Variants in PAQR9 observed in about 807,000 individuals in gnomAD.
The protein encoded by PAQR9 is progestin and adipoQ receptor family member 9.
A neutral mutation model predicts 24.0 loss-of-function variants in PAQR9; 12 were observed. That is an observed-to-expected ratio of 0.50 (90% CI 0.32 to 0.81). PAQR9 has a LOEUF of 0.81. Ranked by LOEUF, PAQR9 falls within the 30% of genes least tolerant of loss-of-function variation. The pLI, the probability that PAQR9 is intolerant of heterozygous loss-of-function variation, is 0.03. For synonymous variants in PAQR9, 266 were observed against 237.6 expected (o/e 1.12, Z -1.10); for missense variants, 418 against 520.8 (o/e 0.80, Z 1.92).
At chr3:142,950,131 A>G (rs1327984640), downstream of PAQR9, 1 of 152,188 alleles carries the variant, frequency 6.6e-6, no homozygotes, top group East Asian at 1.9e-4. Flanking sequence ...TAGAACCTTT[A>G]GCATAATTAT....
rs35655102 is a variant in PAQR9, at chr3:142,955,529, T to G, written c.*6674A>C. ...TGAAACACAGAAAGCCTTTTTCTGG[T>G]CCATATAGTGATGGCATGGGGCTTA... On this transcript the variant is annotated 3_prime_UTR_variant, in exon 1 of 1. Coordinates refer to ENST00000340634, the MANE Select transcript of PAQR9 (RefSeq NM_198504.4). 6.3e-4 allele frequency among the ~76,000 whole-genome samples: 88 copies of G among 140,614 alleles called. No homozygotes were observed. Among genetic ancestry groups the G allele is most frequent in the African/African-American group, 2.1e-3 (83 of 39,082 alleles). The allele number at this position is 140,614 out of a possible 152,430, so 92.2% of individuals were successfully genotyped here.
At position 142,963,342 on chromosome 3, in the gene PAQR9, C is replaced by T; in HGVS notation, c.-6G>A. ...GGCTGCAGGCGCCGCGGCATGGTGC[C>T]CGGGGCTCGGCTAGGGCGCGCGCAG... On this transcript the variant is annotated 5_prime_UTR_variant, in exon 1 of 1. Transcript: ENST00000340634. 2.3e-6 allele frequency: 3 copies of T among 1,333,176 alleles called. No individual in the cohort carries two copies. The highest frequency in any genetic ancestry group is 1.9e-6 in the Non-Finnish European group (2 of 1,048,016). 82.6% of individuals were successfully genotyped at this position (1,333,176 alleles called of 1,614,324 possible).
At position 142,956,682 on chromosome 3, in the gene PAQR9, A is replaced by G. The variant is rs556637066; in HGVS notation, c.*5521T>C. Among the ~76,000 whole-genome samples the G allele has an allele frequency of 2.7e-3, 409 of 152,346 alleles. 1 individual carries two copies. The highest frequency in any genetic ancestry group is 9.4e-3 in the African/African-American group (390 of 41,574). ...AATGAGCATTCTTGGCCCCTGACCT[A>G]TAAATAAACACTCTAATTCTGCAAC... is the stretch of plus-strand genomic sequence containing the variant. On this transcript the variant is annotated 3_prime_UTR_variant, in exon 1 of 1. Transcript: ENST00000340634.
Position 142,962,451 on chromosome 3 carries a change from G to A in PAQR9, c.886C>T (p.Pro296Ser). 6.2e-7 allele frequency: 1 copy of A among 1,613,856 alleles called. No individual in the cohort carries two copies. The highest frequency in any genetic ancestry group is 8.5e-7 in the Non-Finnish European group (1 of 1,179,964). ...AAAAGACCCGGCTGGATGCGCTCGG[G>A]GATCTTGCTCACGTTGAAGAAGGCG... ...VAAFFNVSKI[P>S]ERIQPGLFDI... The change falls in exon 1 of 1, where the codon CCC becomes TCC. Residue 296 changes from proline to serine, a missense_variant. Coordinates refer to ENST00000340634, the MANE Select transcript of PAQR9 (RefSeq NM_198504.4).
At position 142,963,257 on chromosome 3, in the gene PAQR9, C is replaced by A. The variant is rs747061724; in HGVS notation, c.80G>T (p.Arg27Leu). 6.6e-7 allele frequency: 1 copy of A among 1,526,344 alleles called. No homozygotes were observed. Among genetic ancestry groups the A allele is most frequent in the African/African-American group, 1.4e-5 (1 of 72,474 alleles). The allele number at this position is 1,526,344 out of a possible 1,614,324, so 94.6% of individuals were successfully genotyped here. A position where few individuals can be genotyped will look rare whatever the true frequency, so the allele number is the denominator to read the frequency against. The change falls in exon 1 of 1, where the codon CGG (arginine) becomes CTG (leucine). Residue 27 changes from arginine to leucine, a missense_variant. Transcript: ENST00000340634. Reference sequence around the variant, plus strand: ...CCGGGAGGCGGCAGAGTGGGAGTTCCGGGCGGCCCCCGAAGCTGCCGGGGC... The same window carrying A: ...CCGGGAGGCGGCAGAGTGGGAGTTCAGGGCGGCCCCCGAAGCTGCCGGGGC... The part of the protein sequence containing the change: ...APAPAASGAA[R>L]NSHSAASRDP...
At chr3:142,963,688 T>A, upstream of PAQR9, 1 of 640,742 alleles carries the variant, frequency 1.6e-6, no homozygotes, top group Non-Finnish European at 1.9e-6. Context: ...CATCGCGCGG[T>A]GCGGGTGCCT....
rs1038641570 is a variant in PAQR9 at position 142,959,123 on chromosome 3, A to G, written c.*3080T>C. On this transcript the variant is annotated 3_prime_UTR_variant, in exon 1 of 1. Transcript: ENST00000340634. ...CTGCCAAAATAGGTTGTACATAGAT[A>G]ATGGACTGAATTCTTATTTATAATT... Among the ~76,000 whole-genome samples, 1 of 152,260 alleles carries G rather than the reference A, an allele frequency of 6.6e-6. No homozygotes were observed. The highest frequency in any genetic ancestry group is 1.5e-5 in the Non-Finnish European group (1 of 68,048).
chr3:142,953,616 A>G (rs900912027), downstream of PAQR9, among the ~76,000 whole-genome samples: 2 of 152,136 alleles, frequency 1.3e-5, no homozygotes. Context: ...ATCTTTGTCC[A>G]CACACTCTTC....
At position 142,961,547 on chromosome 3, in the gene PAQR9, G is replaced by A. The variant is rs533547432; in HGVS notation, c.*656C>T. On this transcript the variant is annotated 3_prime_UTR_variant, in exon 1 of 1. Transcript: ENST00000340634. The stretch of plus-strand genomic sequence containing the variant: ...TCAAGTGTATGCAATGCAGAAGGCT[G>A]TGAAATTCAAAACTATGTGACAAAG... 6.5e-6 allele frequency: 1 copy of A among 153,542 alleles called. No individual in the cohort carries two copies. The highest frequency in any genetic ancestry group is 2.1e-4 in the South Asian group (1 of 4,858). The allele number at this position is 153,542 out of a possible 1,614,324, so 9.5% of individuals were successfully genotyped here.
rs115465250 is a variant in PAQR9 at position 142,956,071 on chromosome 3, C to A, written c.*6132G>T. 0.012 allele frequency among the ~76,000 whole-genome samples: 1,879 copies of A among 152,232 alleles called. 41 individuals are homozygous for A. Among genetic ancestry groups the A allele is most frequent in the African/African-American group, 0.043 (1,795 of 41,544 alleles). The stretch of plus-strand genomic sequence containing the variant: ...AAACAAATGTCTATTAGAAACTTTA[C>A]AAATATAAAATTAAAATACTTTTTT... On this transcript the variant is annotated 3_prime_UTR_variant, in exon 1 of 1. Transcript: ENST00000340634.
exon 3 of PAQR9, chr3:142,949,228 T>G (rs978968556): frequency 2.0e-5 from 3 of 152,228 alleles, no homozygotes; most frequent in Non-Finnish European, 4.4e-5. Context: ...CCTTTTGTAC[T>G]TTATGACATT....
chr3:142,954,446 C>T (rs138155772), downstream of PAQR9, among the ~76,000 whole-genome samples: 488 of 152,262 alleles, frequency 3.2e-3, 1 homozygote, highest in African/African-American at 0.011. Context: ...TGCCTTCTGC[C>T]TGCTGCATTT....
In PAQR9 at chr3:142,962,498, C is replaced by T; in HGVS notation, c.839G>A (p.Arg280His). 2 of 1,612,110 alleles carry T rather than the reference C, an allele frequency of 1.2e-6. No individual in the cohort carries two copies. The highest frequency in any genetic ancestry group is 1.7e-6 in the Non-Finnish European group (2 of 1,178,930). The stretch of plus-strand genomic sequence containing the variant: ...GGCGGCCACCACCAGCCAGAAGTAG[C>T]GGCGGTAGAAGTGCACGAAGAGTGT... Reference protein sequence around the residue: ...NPTLFVHFYRRYFWLVVAAFF... With the variant: ...NPTLFVHFYRHYFWLVVAAFF... Residue 280 changes from arginine to histidine, a missense_variant, in exon 1 of 1, where the codon CGC (arginine) becomes CAC (histidine). This residue lies in a region of PAQR9 where 230 missense variants were observed against 305.2 expected (regional missense o/e 0.75). Coordinates refer to ENST00000340634, the MANE Select transcript of PAQR9 (RefSeq NM_198504.4).
Position 142,957,704 on chromosome 3 carries a change from CATA to C in PAQR9, c.*4496_*4498del, listed in dbSNP as rs942756692. On this transcript the variant is annotated 3_prime_UTR_variant, in exon 1 of 1. Coordinates refer to ENST00000340634, the MANE Select transcript of PAQR9 (RefSeq NM_198504.4). ...CAATAGTTATCGTTATTAGTGTTTT[CATA>C]ATATTAGTGATAAGTTTTTCAATTC... 2.6e-5 allele frequency among the ~76,000 whole-genome samples: 4 copies of C among 152,128 alleles called. No homozygotes were observed. The highest frequency in any genetic ancestry group is 2.9e-5 in the Non-Finnish European group (2 of 68,022).
Position 142,962,379 on chromosome 3 carries a change from G to A in PAQR9, c.958C>T (p.Leu320Phe), listed in dbSNP as rs969205048. Residue 320 changes from leucine to phenylalanine, a missense_variant, in exon 1 of 1, where the codon CTC becomes TTC. Leu to Phe is a conservative substitution (Grantham distance 22). Coordinates refer to ENST00000340634, the MANE Select transcript of PAQR9 (RefSeq NM_198504.4). The stretch of plus-strand genomic sequence containing the variant: ...TAGTACACCTGGTCGTAGATGCTGA[G>A]GAAGGTGAAGATGTGGAAGAGCTGG... ...SHQLFHIFTF[L>F]SIYDQVYYVE... 6.2e-7 allele frequency: 1 copy of A among 1,614,180 alleles called. No homozygotes were observed. The highest frequency in any genetic ancestry group is 8.5e-7 in the Non-Finnish European group (1 of 1,180,032).
chr3:142,954,058 C>T (rs946344302), downstream of PAQR9, among the ~76,000 whole-genome samples: 1 of 152,208 alleles, frequency 6.6e-6, no homozygotes, highest in African/African-American at 2.4e-5. Context: ...CAAACCTTTT[C>T]TTCCTTCATG....
chr3:142,950,523 T>C, downstream of PAQR9: 2 of 434,224 alleles, frequency 4.6e-6, no homozygotes, highest in South Asian at 1.6e-5. Flanking sequence ...CTGGAAACTC[T>C]TAAGTCCTCA....
At chr3:142,950,624 AG>A (rs1434188906), downstream of PAQR9, 3 of 427,098 alleles carry the variant, frequency 7.0e-6, no homozygotes, top group Non-Finnish European at 1.4e-5. Flanking sequence ...ATGTATTGAA[AG>A]GCTATGGGGT....
chr3:142,960,925 A>G lies in PAQR9; in HGVS notation c.*1278T>C, dbSNP rs989844487. 6.6e-6 allele frequency: 1 copy of G among 152,240 alleles called. No homozygotes were observed. Among genetic ancestry groups the G allele is most frequent in the African/African-American group, 2.4e-5 (1 of 41,452 alleles). The allele number at this position is 152,240 out of a possible 1,614,324, so 9.4% of individuals were successfully genotyped here. A position where few individuals can be genotyped will look rare whatever the true frequency, so the allele number is the denominator to read the frequency against. On this transcript the variant is annotated 3_prime_UTR_variant, in exon 1 of 1. Coordinates refer to ENST00000340634, the MANE Select transcript of PAQR9 (RefSeq NM_198504.4). ...ATGTGCTCCTGCCTTTCATAATAAAACTGCCTTGTTTATTCTTGGATATTA... is the reference window on the plus strand; with the variant it reads ...ATGTGCTCCTGCCTTTCATAATAAAGCTGCCTTGTTTATTCTTGGATATTA...
Sources: gnomAD v4.1 joint callset for allele counts (sites outside exome capture counted in the v4.1 genomes callset) on GRCh38, gnomAD v4.1.1 for gene constraint, gnomAD v4.1.1 regional missense constraint, MANE v1.5 for transcripts, NCBI Gene and HGNC (gene_info 2026-07-23, HGNC 2026-07-21) for gene names.